The following IRS2 variants were observed in gnomAD, a reference collection of about 807,000 sequenced individuals.
IRS2 encodes insulin receptor substrate 2.
In IRS2, 28 loss-of-function variants were observed where a neutral mutation model predicts 70.9. The observed-to-expected ratio is 0.39, with a 90% confidence interval of 0.29 to 0.54. IRS2 has a LOEUF of 0.54. Among genes scored for constraint, IRS2 ranks in the 20% least tolerant of loss-of-function variants. The pLI is 0.59. For missense variants in IRS2, 2,081 were observed against 2,024.1 expected, an observed-to-expected ratio of 1.03 and a Z score of -0.54; for synonymous variants, 1,217 against 981.9, an observed-to-expected ratio of 1.24 and a Z score of -4.48.
chr13:109,783,515 G>A lies in IRS2; in HGVS notation c.2539C>T (p.Pro847Ser). The A allele has an allele frequency of 1.3e-6, 2 of 1,547,914 alleles. No homozygotes were observed. The highest frequency in any genetic ancestry group is 1.7e-6 in the Non-Finnish European group (2 of 1,146,286). Residue 847 changes from proline to serine, a missense_variant, in exon 1 of 2, where the codon CCC becomes TCC. Coordinates refer to ENST00000375856, the MANE Select transcript of IRS2 (RefSeq NM_003749.3). ...CCGAAGGCGCTGGCCGCCTGGCTGG[G>A]CCCTGGCGTGGCCTGAGGCTCCAGA... The part of the protein sequence containing the change: ...ERLEPQATPG[P>S]SQAASAFGAG...
intron 1 of IRS2, among the ~76,000 whole-genome samples, chr13:109,772,789 G>T (rs943299863): frequency 6.7e-6 from 1 of 148,976 alleles, no homozygotes. Context: ...TCCGCTTCCC[G>T]GGTTCACGCC....
chr13:109,767,057 C>T (rs9559646), intron 1 of IRS2, among the ~76,000 whole-genome samples: 65,355 of 152,084 alleles, frequency 0.43, 15,315 homozygotes, highest in Middle Eastern at 0.56. Flanking sequence ...CCCAGATCTG[C>T]GAAATGCTTT....
In IRS2 at chr13:109,755,042, G is replaced by A. The variant is rs543124352; in HGVS notation, c.*1262C>T. 10 of 227,808 alleles carry A rather than the reference G, an allele frequency of 4.4e-5. No homozygotes were observed. The highest frequency in any genetic ancestry group is 3.8e-4 in the East Asian group (6 of 15,938). The allele number at this position is 227,808 out of a possible 1,614,324, so 14.1% of individuals were successfully genotyped here. On this transcript the variant is annotated 3_prime_UTR_variant, in exon 2 of 2. Transcript: ENST00000375856. ...TTCAGCAGTTTTAGGTAACATCTGC[G>A]AGAACTGCCACACACTGGTATTTTC...
At chr13:109,763,090 G>T (rs1468167412) in intron 1 of IRS2, among the ~76,000 whole-genome samples, 1 of 152,204 alleles carries the variant, frequency 6.6e-6, no homozygotes, top group Non-Finnish European at 1.5e-5. Flanking sequence ...GCATGGCAAT[G>T]AACCTAAACT....
intron 1 of IRS2, among the ~76,000 whole-genome samples, chr13:109,756,546 G>C (rs1393550772): frequency 6.6e-6 from 1 of 152,202 alleles, no homozygotes; most frequent in Non-Finnish European, 1.5e-5. Context: ...AGACAGTTAG[G>C]TTCGTATTTT....
Position 109,755,558 on chromosome 13 carries a change from G to A in IRS2, c.*746C>T, listed in dbSNP as rs1318092725. On this transcript the variant is annotated 3_prime_UTR_variant, in exon 2 of 2. Transcript: ENST00000375856. ...CTCCCACCTCCCACTACCCAATACA[G>A]TTGATTTTCAAAAGTAGGTTGCTTC... 2 of 208,678 alleles carry A rather than the reference G, an allele frequency of 9.6e-6. No homozygotes were observed. The highest frequency in any genetic ancestry group is 2.0e-5 in the Non-Finnish European group (2 of 102,470). 12.9% of individuals were successfully genotyped at this position (208,678 alleles called of 1,614,324 possible).
rs11397558 is a variant in IRS2, at chr13:109,752,960, CTT to C, written c.*3342_*3343del. 0.016 allele frequency: 1,908 copies of C among 120,316 alleles called. 34 individuals are homozygous for C. Among genetic ancestry groups the C allele is most frequent in the African/African-American group, 0.056 (1,766 of 31,432 alleles). The allele number at this position is 120,316 out of a possible 1,614,324, so 7.5% of individuals were successfully genotyped here. A position where few individuals can be genotyped will look rare whatever the true frequency, so the allele number is the denominator to read the frequency against. On this transcript the variant is annotated 3_prime_UTR_variant, in exon 2 of 2. Coordinates refer to ENST00000375856, the MANE Select transcript of IRS2 (RefSeq NM_003749.3). The stretch of plus-strand genomic sequence containing the variant: ...GTGTCATGGAGGCAGCATTCTTCTT[CTT>C]TTTTTTTTTTTTTTTTGAGACGGAG...
chr13:109,774,330 A>T (rs1318028425), intron 1 of IRS2, among the ~76,000 whole-genome samples: 1 of 152,170 alleles, frequency 6.6e-6, no homozygotes, highest in Non-Finnish European at 1.5e-5. Context: ...ATTCACTAGT[A>T]ACATCACAGC....
intron 1 of IRS2, among the ~76,000 whole-genome samples, chr13:109,772,143 G>C: frequency 6.6e-6 from 1 of 152,374 alleles, no homozygotes; most frequent in East Asian, 1.9e-4. Flanking sequence ...GGTGGCCACT[G>C]AGATGACGGG....
Position 109,755,688 on chromosome 13 carries a change from T to G in IRS2, c.*616A>C, listed in dbSNP as rs567824414. On this transcript the variant is annotated 3_prime_UTR_variant, in exon 2 of 2. Transcript: ENST00000375856. ...TCCCACACTGGGCTCGGTGTGGACG[T>G]AAACATCGCAGGTACCTGCACTGGA... 1 of 203,454 alleles carries G rather than the reference T, an allele frequency of 4.9e-6. No individual in the cohort carries two copies. The highest frequency in any genetic ancestry group is 1.0e-5 in the Non-Finnish European group (1 of 98,924). The allele number at this position is 203,454 out of a possible 1,614,324, so 12.6% of individuals were successfully genotyped here.
chr13:109,769,458 T>C (rs1484740934), intron 1 of IRS2, among the ~76,000 whole-genome samples: 3 of 152,186 alleles, frequency 2.0e-5, no homozygotes, highest in East Asian at 1.9e-4. Context: ...TTCTGGAACA[T>C]ACCGGGCAAC....
Position 109,786,217 on chromosome 13 carries a change from G to T in IRS2, c.-164C>A. The T allele has an allele frequency of 4.7e-6, 1 of 211,128 alleles. No individual in the cohort carries two copies. The highest frequency in any genetic ancestry group is 8.0e-6 in the Non-Finnish European group (1 of 124,512). The allele number at this position is 211,128 out of a possible 1,614,324, so 13.1% of individuals were successfully genotyped here. A position where few individuals can be genotyped will look rare whatever the true frequency, so the allele number is the denominator to read the frequency against. On this transcript the variant is annotated 5_prime_UTR_variant, in exon 1 of 2. Transcript: ENST00000375856. This position sits in a 1 kb window ranked among gnomAD's most constrained non-coding sequence, Gnocchi z 4.4. The stretch of plus-strand genomic sequence containing the variant: ...CGGTGGGGAAGGTCCGGGGAGGCCC[G>T]CGGGGGCCAGCACCGCTCGGCGGCG...
intron 1 of IRS2, 37 bp downstream of exon 1, chr13:109,782,005 C>T (rs758082535): frequency 1.2e-6 from 2 of 1,606,952 alleles, no homozygotes; most frequent in South Asian, 1.1e-5. Flanking sequence ...CCCCGCCCCT[C>T]CTTCCCGCCA....
chr13:109,755,214 C>CTTTTTTTTT lies in IRS2; in HGVS notation c.*1081_*1089dup, dbSNP rs375324802. On this transcript the variant is annotated 3_prime_UTR_variant, in exon 2 of 2. Transcript: ENST00000375856. ...CTCTTTTTATCAGTTTCTTTCTTTC[C>CTTTTTTTTT]TTTTTTTTTTTTCTTTTTGTTTTTT... 7.2e-5 allele frequency: 14 copies of CTTTTTTTTT among 193,978 alleles called. No individual in the cohort carries two copies. Among genetic ancestry groups the CTTTTTTTTT allele is most frequent in the South Asian group, 2.0e-4 (1 of 5,024 alleles). 12.0% of individuals were successfully genotyped at this position (193,978 alleles called of 1,614,324 possible). A position where few individuals can be genotyped will look rare whatever the true frequency, so the allele number is the denominator to read the frequency against.
In IRS2 at chr13:109,785,214, C is replaced by T. The variant is rs1265156443; in HGVS notation, c.840G>A (p.Ala280=). Residue 280 remains alanine, a synonymous_variant, in exon 1 of 2, where the codon GCG becomes GCA. Coordinates refer to ENST00000375856, the MANE Select transcript of IRS2 (RefSeq NM_003749.3). This position sits in a 1 kb window ranked among gnomAD's most constrained non-coding sequence, Gnocchi z 9.3. Reference sequence around the variant, plus strand: ...CCAGGATGGTCTCGTGGATGTTCTGCGCCACCACCGAGTCGTCCGCCTGCA... The same window carrying T: ...CCAGGATGGTCTCGTGGATGTTCTGTGCCACCACCGAGTCGTCCGCCTGCA... The part of the protein sequence containing the change: ...LWMQADDSVV[A]QNIHETILEA... The T allele has an allele frequency of 5.6e-6, 9 of 1,603,100 alleles. No individual in the cohort carries two copies. In the South Asian group the frequency reaches 7.8e-5, roughly 14 times the overall value.
rs572607455 is a variant in IRS2, at chr13:109,757,572, A to C, written c.4013-1264T>G. Among the ~76,000 whole-genome samples the C allele has an allele frequency of 2.2e-3, 333 of 152,308 alleles. 2 individuals are homozygous for C. Among genetic ancestry groups the C allele is most frequent in the African/African-American group, 7.6e-3 (314 of 41,578 alleles). ...GAGGCACTACATGCTATAGCCCCCCAAAAACCCCAAAAGCTTTACAGAAAA... is the reference window on the plus strand; with the variant it reads ...GAGGCACTACATGCTATAGCCCCCCCAAAACCCCAAAAGCTTTACAGAAAA... On this transcript the variant is annotated intron_variant, in intron 1 of 1. Transcript: ENST00000375856.
At chr13:109,781,702 G>A (rs1877706490) in intron 1 of IRS2, among the ~76,000 whole-genome samples, 1 of 152,146 alleles carries the variant, frequency 6.6e-6, no homozygotes, top group South Asian at 2.1e-4. Context: ...ACAGTCGGGT[G>A]CCCCGCGGCC....
At chr13:109,777,283 A>C (rs934673860) in intron 1 of IRS2, among the ~76,000 whole-genome samples, 1 of 152,072 alleles carries the variant, frequency 6.6e-6, no homozygotes, top group Non-Finnish European at 1.5e-5. Context: ...ACAAACAAAA[A>C]CCCTTTCTAC....
chr13:109,783,644 T>TGTAGCAGCA lies in IRS2; in HGVS notation c.2401_2409dup (p.Cys801_Tyr803dup), dbSNP rs1349374738. The TGTAGCAGCA allele has an allele frequency of 6.4e-7, 1 of 1,553,592 alleles. No homozygotes were observed. The highest frequency in any genetic ancestry group is 1.4e-5 in the African/African-American group (1 of 73,348). ...GCCTTGTAGGAGCGGGGCAAGGAGC[T>TGTAGCAGCA]GTAGCAGCAGCCGGGAACGCCCCTG... On this transcript the variant is annotated inframe_insertion, in exon 1 of 2. Transcript: ENST00000375856.
Sources: allele counts gnomAD v4.1 joint callset (sites outside exome capture counted in the v4.1 genomes callset), GRCh38; gene constraint gnomAD v4.1.1; non-coding constraint Gnocchi (gnomAD v3.1); transcripts MANE v1.5; gene names NCBI Gene and HGNC (gene_info 2026-07-23, HGNC 2026-07-21).